Variants in NECAB1 observed in about 807,000 individuals in gnomAD.
NECAB1 encodes N-terminal EF-hand calcium binding protein 1.
Under a neutral mutation model 57.5 loss-of-function variants are expected in NECAB1, and 29 were observed. The observed-to-expected ratio is 0.50, with a 90% CI of 0.38 to 0.69. The LOEUF is 0.69. NECAB1 is among the 30% of genes least tolerant of loss of function. NECAB1 has a pLI of 0.00. For missense variants in NECAB1, 372 were observed against 413.8 expected (o/e 0.90, Z 0.88); for synonymous variants, 142 against 147.7 (o/e 0.96, Z 0.28).
At chr8:90,922,863 T>C (rs1271529652) in intron 6 of NECAB1, among the ~76,000 whole-genome samples, 1 of 152,164 alleles carries the variant, frequency 6.6e-6, no homozygotes, top group Non-Finnish European at 1.5e-5. Context: ...TGATTAAATG[T>C]ATGATTTCTT....
At chr8:90,792,162 C>T (rs1324137459) in intron 1 of NECAB1, among the ~76,000 whole-genome samples, 177 bp downstream of exon 1, 1 of 152,198 alleles carries the variant, frequency 6.6e-6, no homozygotes, top group Non-Finnish European at 1.5e-5. Flanking sequence ...TAGGGCTGTC[C>T]CAGACCTGCA....
Position 90,940,831 on chromosome 8 carries a change from C to A in NECAB1, c.793C>A (p.Leu265Met). 1.3e-6 allele frequency: 2 copies of A among 1,565,102 alleles called. No homozygotes were observed. Among genetic ancestry groups the A allele is most frequent in the Non-Finnish European group, 1.7e-6 (2 of 1,154,356 alleles). The change falls in exon 10 of 13, where the codon CTG becomes ATG. Residue 265 changes from leucine (L) to methionine (M), a missense_variant. By Grantham distance (15) the Leu-to-Met change is conservative. Transcript: ENST00000417640. The stretch of plus-strand genomic sequence containing the variant: ...GCAGATGTCTGTGATAGAAGAGGAC[C>A]TGGAAGAATTCCAGCTCGCTCTGAA... ...QRQMSVIEED[L>M]EEFQLALKHY...
Position 90,795,539 on chromosome 8 carries a change from A to T in NECAB1, c.99+3554A>T, listed in dbSNP as rs77397850. ...GGTCAGGAACTTGGTGAAAACAAGA[A>T]ATAGTTTCTTTTCACAAGGACACTT... On this transcript the variant is annotated intron_variant, in intron 1 of 12. Transcript: ENST00000417640. Among the ~76,000 whole-genome samples, 1,260 of 152,316 alleles carry T rather than the reference A, an allele frequency of 8.3e-3. 15 individuals carry two copies. The highest frequency in any genetic ancestry group is 0.028 in the African/African-American group (1,179 of 41,568).
chr8:90,862,089 C>T (rs1678359439), intron 3 of NECAB1, among the ~76,000 whole-genome samples: 1 of 151,970 alleles, frequency 6.6e-6, no homozygotes, highest in African/African-American at 2.4e-5. Context: ...AATAGAGATT[C>T]TATAAATTAT....
intron 6 of NECAB1, 150 bp downstream of exon 6, chr8:90,917,778 C>T: frequency 1.6e-6 from 1 of 633,520 alleles, no homozygotes; most frequent in South Asian, 6.6e-5. Context: ...GGTTGCTTGC[C>T]TTATTATTTG....
Position 90,816,966 on chromosome 8 carries a change from A to G in NECAB1, c.125-7751A>G, listed in dbSNP as rs78430443. ...ACGTAGAATATCTCCTTATTTACTT[A>G]CTTAGATCCTATTTAATTTCTTTCA... On this transcript the variant is annotated intron_variant, in intron 2 of 12. Coordinates refer to ENST00000417640, the MANE Select transcript of NECAB1 (RefSeq NM_022351.5). Among the ~76,000 whole-genome samples the G allele has an allele frequency of 3.8e-4, 58 of 151,800 alleles. No homozygotes were observed. In the East Asian group the frequency reaches 0.011, roughly 28 times the overall value.
At chr8:90,865,978 T>A (rs1007446890) in intron 3 of NECAB1, among the ~76,000 whole-genome samples, 1 of 152,194 alleles carries the variant, frequency 6.6e-6, no homozygotes, top group Non-Finnish European at 1.5e-5. Flanking sequence ...GTCTTTACTG[T>A]CCCTTTGCTG....
At chr8:90,849,755 G>A (rs896840421) in intron 3 of NECAB1, among the ~76,000 whole-genome samples, 40 of 145,420 alleles carry the variant, frequency 2.8e-4, no homozygotes, top group African/African-American at 8.6e-4. Flanking sequence ...GTGCAGTGGC[G>A]TGATCTCGGC....
chr8:90,854,443 G>A (rs1490723548), intron 3 of NECAB1, among the ~76,000 whole-genome samples: 1 of 152,264 alleles, frequency 6.6e-6, no homozygotes, highest in Admixed American at 6.5e-5. Flanking sequence ...ATAAGACTAA[G>A]CATGATGTGT....
At chr8:90,891,308 T>C (rs2129952716) in intron 5 of NECAB1, among the ~76,000 whole-genome samples, 1 of 152,294 alleles carries the variant, frequency 6.6e-6, no homozygotes, top group South Asian at 2.1e-4. Flanking sequence ...TAGGAAAGCT[T>C]TACTTCTCTC....
At chr8:90,859,520 T>G (rs1812856833) in intron 3 of NECAB1, among the ~76,000 whole-genome samples, 1 of 152,102 alleles carries the variant, frequency 6.6e-6, no homozygotes, top group Admixed American at 6.6e-5. Flanking sequence ...AAGAAGCAAG[T>G]GGTTGGTTAG....
At chr8:90,945,185 G>A (rs1416708007) in intron 10 of NECAB1, among the ~76,000 whole-genome samples, 5 of 151,682 alleles carry the variant, frequency 3.3e-5, no homozygotes, top group East Asian at 1.9e-4. Context: ...CTCCTGCCTC[G>A]GCCTCCCAAG....
rs1438991590 is a variant in NECAB1, at chr8:90,878,917, C to CTATA, written c.260-2105_260-2102dup. On this transcript the variant is annotated intron_variant, in intron 4 of 12. Transcript: ENST00000417640. The stretch of plus-strand genomic sequence containing the variant: ...AAAAAGAGGCTTTACCTCTCTCTCT[C>CTATA]TATATATATATATAGTAAGTATTTT... 2.9e-3 allele frequency among the ~76,000 whole-genome samples: 419 copies of CTATA among 146,272 alleles called. 3 individuals carry two copies. The highest frequency in any genetic ancestry group is 9.9e-3 in the African/African-American group (399 of 40,126).
rs931790801 is a variant in NECAB1, at chr8:90,951,169, A to G, written c.995A>G (p.Glu332Gly). 1 of 1,604,102 alleles carries G rather than the reference A, an allele frequency of 6.2e-7. No individual in the cohort carries two copies. The highest frequency in any genetic ancestry group is 8.5e-7 in the Non-Finnish European group (1 of 1,174,776). Residue 332 changes from glutamate to glycine, a missense_variant, in exon 12 of 13, where the codon GAA becomes GGA. By Grantham distance (98) the Glu-to-Gly change is moderately conservative. Coordinates refer to ENST00000417640, the MANE Select transcript of NECAB1 (RefSeq NM_022351.5). ...TFQRSNVDFL[E>G]TPELTSTMLV... ...CAAAGAAGTAATGTGGATTTCTTGG[A>G]AACTCCAGAACTCACATCTACAATG... is the stretch of plus-strand genomic sequence containing the variant.
At position 90,939,408 on chromosome 8, in the gene NECAB1, TGAG is replaced by T. The variant is rs1810616984; in HGVS notation, c.748-1374_748-1372del. 2.0e-5 allele frequency among the ~76,000 whole-genome samples: 3 copies of T among 152,254 alleles called. No homozygotes were observed. In the South Asian group the frequency reaches 6.2e-4, roughly 32 times the overall value. On this transcript the variant is annotated intron_variant, in intron 9 of 12. Coordinates refer to ENST00000417640, the MANE Select transcript of NECAB1 (RefSeq NM_022351.5). ...GGGAGGGAAAATAGAATCCATGTCT[TGAG>T]GAGAGGAGCTAAAAAGTCAAATTAG...
At chr8:90,846,706 G>T (rs1812566002) in intron 3 of NECAB1, among the ~76,000 whole-genome samples, 1 of 152,212 alleles carries the variant, frequency 6.6e-6, no homozygotes, top group African/African-American at 2.4e-5. Flanking sequence ...TCACAATCAT[G>T]GCAGAAGGCA....
intron 3 of NECAB1, among the ~76,000 whole-genome samples, chr8:90,856,014 A>G (rs1355065081): frequency 3.3e-5 from 5 of 152,156 alleles, no homozygotes; most frequent in Non-Finnish European, 5.9e-5. Context: ...GGTAAGAGAA[A>G]TGGTTCCTGT....
intron 9 of NECAB1, chr8:90,940,423 T>G (rs902555630): frequency 5.5e-6 from 1 of 180,756 alleles, no homozygotes; most frequent in Admixed American, 5.6e-5. Context: ...CAGCTCTGCC[T>G]GCACAATACA....
chr8:90,906,893 A>ATATATATATATGTATATATATATG (rs1563528290), intron 5 of NECAB1, among the ~76,000 whole-genome samples: 15 of 137,526 alleles, frequency 1.1e-4, no homozygotes, highest in African/African-American at 4.3e-4. Context: ...ATATATATAT[A>ATATATATATATGTATATATATATG]TATATATATA....
Sources: allele counts gnomAD v4.1 joint callset (sites outside exome capture counted in the v4.1 genomes callset), GRCh38; gene constraint gnomAD v4.1.1; transcripts MANE v1.5; gene names NCBI Gene and HGNC (gene_info 2026-07-23, HGNC 2026-07-21).